The following DGKI variants were observed in gnomAD, a reference collection of about 807,000 sequenced individuals.
DGKI encodes diacylglycerol kinase iota.
DGKI carries 55 observed loss-of-function variants against 147.5 expected under a neutral mutation model. The ratio of observed to expected loss-of-function variants is 0.37; its 90% CI spans 0.30 to 0.47. The LOEUF (loss-of-function observed/expected upper bound fraction) is 0.47, where lower values mean the gene tolerates loss of function less well. Among genes scored for constraint, DGKI ranks in the 20% least tolerant of loss-of-function variants. The pLI is 1.00. For synonymous variants in DGKI, 469 were observed against 477.1 expected, an observed-to-expected ratio of 0.98 and a Z score of 0.22; for missense variants, 1,007 against 1,323.8, an observed-to-expected ratio of 0.76 and a Z score of 3.71.
At chr7:137,767,915 A>T (rs1034794093) in intron 1 of DGKI, among the ~76,000 whole-genome samples, 1 of 152,200 alleles carries the variant, frequency 6.6e-6, no homozygotes, top group Non-Finnish European at 1.5e-5. Flanking sequence ...GCTATTTTTA[A>T]AAATATTATA....
intron 30 of DGKI, among the ~76,000 whole-genome samples, chr7:137,407,246 G>C (rs1395488900): frequency 6.6e-6 from 1 of 152,104 alleles, no homozygotes; most frequent in African/African-American, 2.4e-5. Context: ...TGCTTCCAAA[G>C]GGTTTTTAGA....
intron 1 of DGKI, among the ~76,000 whole-genome samples, chr7:137,731,853 C>T (rs1794895283): frequency 6.6e-6 from 1 of 152,052 alleles, no homozygotes; most frequent in African/African-American, 2.4e-5. Flanking sequence ...AGAAATCCCA[C>T]ACAAGCTCTC....
At chr7:137,500,934 A>G (rs1220897385) in intron 21 of DGKI, among the ~76,000 whole-genome samples, 4 of 152,144 alleles carry the variant, frequency 2.6e-5, no homozygotes, top group Non-Finnish European at 5.9e-5. Flanking sequence ...ATTAACTACT[A>G]TCACCTGTGC....
intron 21 of DGKI, among the ~76,000 whole-genome samples, chr7:137,512,721 G>T (rs1015792892): frequency 6.6e-6 from 1 of 152,120 alleles, no homozygotes; most frequent in Admixed American, 6.6e-5. Flanking sequence ...ATCATTTTAG[G>T]CCCAGTTCTT....
At chr7:137,701,191 C>T (rs1005092020) in intron 1 of DGKI, among the ~76,000 whole-genome samples, 1 of 151,942 alleles carries the variant, frequency 6.6e-6, no homozygotes, top group African/African-American at 2.4e-5. Flanking sequence ...AAAAAAAGTC[C>T]TCAGTCTGAT....
At chr7:137,516,294 T>C (rs1375730992) in intron 21 of DGKI, among the ~76,000 whole-genome samples, 1 of 152,150 alleles carries the variant, frequency 6.6e-6, no homozygotes, top group African/African-American at 2.4e-5. Context: ...GTGTAATTTC[T>C]ATAAAACTAA....
At chr7:137,768,795 G>A (rs981425426) in intron 1 of DGKI, among the ~76,000 whole-genome samples, 16 of 152,144 alleles carry the variant, frequency 1.1e-4, no homozygotes, top group Admixed American at 6.6e-4. Flanking sequence ...AATTGCAGCC[G>A]CTTGGCTGAA....
At chr7:137,461,021 A>C (rs972394765) in intron 27 of DGKI, among the ~76,000 whole-genome samples, 2 of 152,258 alleles carry the variant, frequency 1.3e-5, no homozygotes, top group African/African-American at 4.8e-5. Context: ...ATTCTCAGCC[A>C]TATTTACTTC....
intron 3 of DGKI, among the ~76,000 whole-genome samples, chr7:137,662,607 T>C (rs1318092469): frequency 6.6e-6 from 1 of 152,118 alleles, no homozygotes; most frequent in Non-Finnish European, 1.5e-5. Context: ...ATCTCATGAT[T>C]CCAGACCAAG....
intron 1 of DGKI, among the ~76,000 whole-genome samples, chr7:137,829,171 T>G (rs1798149198): frequency 6.6e-6 from 1 of 152,242 alleles, no homozygotes; most frequent in African/African-American, 2.4e-5. Context: ...CAGAGGAAGA[T>G]GCAGTTTGCA....
chr7:137,426,548 A>C (rs1234261901), intron 28 of DGKI, among the ~76,000 whole-genome samples: 4 of 152,188 alleles, frequency 2.6e-5, no homozygotes, highest in Non-Finnish European at 4.4e-5. Context: ...CACACATAAC[A>C]ACATTAACTT....
chr7:137,658,924 G>A (rs188100599), intron 3 of DGKI, among the ~76,000 whole-genome samples: 3 of 152,316 alleles, frequency 2.0e-5, no homozygotes, highest in East Asian at 1.9e-4. Context: ...ATATGGAGTC[G>A]AGTGCTGTAA....
At chr7:137,596,214 G>A (rs898557877) in intron 12 of DGKI, among the ~76,000 whole-genome samples, 3 of 151,756 alleles carry the variant, frequency 2.0e-5, no homozygotes, top group Non-Finnish European at 2.9e-5. Context: ...GAGGAAGGAC[G>A]ACATCCTCAA....
intron 21 of DGKI, among the ~76,000 whole-genome samples, chr7:137,515,726 A>G (rs1816723758): frequency 6.6e-6 from 1 of 152,166 alleles, no homozygotes; most frequent in Non-Finnish European, 1.5e-5. Flanking sequence ...TGGGAATAAC[A>G]GTACTATCTA....
At chr7:137,585,387 A>T (rs746148702) in intron 13 of DGKI, 41 bp from the exon 14 acceptor site, 1 of 1,593,268 alleles carries the variant, frequency 6.3e-7, no homozygotes. Flanking sequence ...TCCAGAGTGG[A>T]GAACAGTGAA....
chr7:137,680,533 G>A (rs193079898), intron 2 of DGKI, among the ~76,000 whole-genome samples: 7 of 152,118 alleles, frequency 4.6e-5, no homozygotes, highest in East Asian at 3.9e-4. Flanking sequence ...TAATCCCAGC[G>A]CTTCAGGAGG....
At position 137,418,890 on chromosome 7, in the gene DGKI, G is replaced by A. The variant is rs141478212; in HGVS notation, c.2762-6683C>T. Reference sequence around the variant, plus strand: ...ACTCCTAAATATTTTCATGTGCAAAGCAAGAGTCACAACCCTAAACTATTT... The same window carrying A: ...ACTCCTAAATATTTTCATGTGCAAAACAAGAGTCACAACCCTAAACTATTT... On this transcript the variant is annotated intron_variant, in intron 28 of 32. Transcript: ENST00000614521. Among the ~76,000 whole-genome samples the A allele has an allele frequency of 3.6e-3, 549 of 152,272 alleles. 3 individuals carry two copies. The highest frequency in any genetic ancestry group is 0.011 in the African/African-American group (467 of 41,558).
At chr7:137,763,920 G>A (rs1476100567) in intron 1 of DGKI, among the ~76,000 whole-genome samples, 2 of 152,194 alleles carry the variant, frequency 1.3e-5, no homozygotes, top group Non-Finnish European at 2.9e-5. Context: ...TAAGGATAGG[G>A]TAGTCTAGGC....
intron 19 of DGKI, among the ~76,000 whole-genome samples, chr7:137,559,309 G>C (rs1250078872): frequency 6.6e-6 from 1 of 151,572 alleles, no homozygotes; most frequent in African/African-American, 2.4e-5. Context: ...CTGACCTCGT[G>C]ATCTGCCCGC....
Sources: gnomAD v4.1 joint callset for allele counts (sites outside exome capture counted in the v4.1 genomes callset) on GRCh38, gnomAD v4.1.1 for gene constraint, MANE v1.5 for transcripts, NCBI Gene and HGNC (gene_info 2026-07-23, HGNC 2026-07-21) for gene names.